The following DNER variants were observed in gnomAD, a reference collection of about 807,000 sequenced individuals.
The protein encoded by DNER is delta/notch like EGF repeat containing.
A neutral mutation model predicts 78.2 loss-of-function variants in DNER; 33 were observed. The ratio of observed to expected loss-of-function variants is 0.42; its 90% CI spans 0.32 to 0.56. The LOEUF (loss-of-function observed/expected upper bound fraction) is 0.56, where lower values mean the gene tolerates loss of function less well. Ranked by LOEUF, DNER falls within the 20% of genes least tolerant of loss-of-function variation. The pLI, the probability that DNER is intolerant of heterozygous loss-of-function variation, is 0.11. For missense variants in DNER, 918 were observed against 975.3 expected, an observed-to-expected ratio of 0.94 and a Z score of 0.78; for synonymous variants, 417 against 384.8, an observed-to-expected ratio of 1.08 and a Z score of -0.98.
rs545028037 is a variant in DNER at position 229,533,401 on chromosome 2, G to A, written c.993+13546C>T. ...AGTAAGAGAAACTGCTGATACCTCC[G>A]TAAGAGGCAAAGCCGCGGCTTTGAA... is the stretch of plus-strand genomic sequence containing the variant. On this transcript the variant is annotated intron_variant, in intron 5 of 12. Transcript: ENST00000341772. Among the ~76,000 whole-genome samples, 58 of 152,266 alleles carry A rather than the reference G, an allele frequency of 3.8e-4. 3 individuals are homozygous for A. In the Middle Eastern group the frequency reaches 0.014, roughly 36 times the overall value.
chr2:229,547,235 G>C (rs1696645396), intron 4 of DNER, 143 bp from the exon 5 acceptor site: 2 of 1,190,014 alleles, frequency 1.7e-6, no homozygotes, highest in African/African-American at 1.5e-5. Flanking sequence ...AATGCAGTGA[G>C]GCAAGGGAAT....
intron 1 of DNER, among the ~76,000 whole-genome samples, chr2:229,656,985 C>CGTGTGTGTGTGTGTGT (rs1417445603): frequency 0.023 from 3,461 of 148,762 alleles, 135 homozygotes; most frequent in African/African-American, 0.076. Context: ...ACAGTTACCA[C>CGTGTGTGTGTGTGTGT]GTGTGTGTGT....
At chr2:229,365,872 T>C (rs919488157) in intron 12 of DNER, among the ~76,000 whole-genome samples, 2 of 152,260 alleles carry the variant, frequency 1.3e-5, no homozygotes, top group African/African-American at 4.8e-5. Context: ...CTTTCTGAAT[T>C]GTGTGCTTGA....
chr2:229,481,114 G>A (rs929352649), intron 6 of DNER, among the ~76,000 whole-genome samples: 1 of 152,176 alleles, frequency 6.6e-6, no homozygotes, highest in African/African-American at 2.4e-5. Context: ...GTAGCCTGAT[G>A]CTCTACCCAC....
chr2:229,417,281 T>C, intron 9 of DNER, among the ~76,000 whole-genome samples: 1 of 152,112 alleles, frequency 6.6e-6, no homozygotes, highest in Non-Finnish European at 1.5e-5. Context: ...TCCAGCCAGG[T>C]GGATGGCATC....
At chr2:229,615,094 T>C (rs934270291) in intron 1 of DNER, among the ~76,000 whole-genome samples, 4 of 152,206 alleles carry the variant, frequency 2.6e-5, no homozygotes, top group Non-Finnish European at 5.9e-5. Flanking sequence ...GATGCATTTT[T>C]CAAGTCGTCC....
At chr2:229,507,947 A>G (rs1375080346) in intron 6 of DNER, among the ~76,000 whole-genome samples, 1 of 152,242 alleles carries the variant, frequency 6.6e-6, no homozygotes, top group East Asian at 1.9e-4. Context: ...ACAAGTTACA[A>G]ACTTGAAGAA....
intron 5 of DNER, among the ~76,000 whole-genome samples, chr2:229,545,310 C>T: frequency 6.6e-6 from 1 of 152,138 alleles, no homozygotes; most frequent in East Asian, 1.9e-4. Flanking sequence ...TGCAGTGGCT[C>T]ACACCTGTAA....
chr2:229,498,884 C>T (rs1231371825), intron 6 of DNER, among the ~76,000 whole-genome samples: 4 of 152,122 alleles, frequency 2.6e-5, no homozygotes, highest in East Asian at 3.9e-4. Context: ...ATTCCAATGA[C>T]ATTTTCCACA....
chr2:229,513,755 A>G (rs1695917727), intron 5 of DNER, among the ~76,000 whole-genome samples: 1 of 152,186 alleles, frequency 6.6e-6, no homozygotes. Flanking sequence ...GGAGAATGAC[A>G]TTAACAGATC....
chr2:229,609,042 G>A (rs1697997447), intron 1 of DNER, among the ~76,000 whole-genome samples: 1 of 152,080 alleles, frequency 6.6e-6, no homozygotes, highest in Non-Finnish European at 1.5e-5. Context: ...GGCCAACATG[G>A]TGAAACCCCA....
At chr2:229,615,442 G>A (rs565241041) in intron 1 of DNER, among the ~76,000 whole-genome samples, 2 of 151,640 alleles carry the variant, frequency 1.3e-5, no homozygotes, top group Non-Finnish European at 2.9e-5. Flanking sequence ...GGGCGCGGTG[G>A]TTCACGCCTG....
chr2:229,532,061 GT>G (rs1446973756), intron 5 of DNER, among the ~76,000 whole-genome samples: 1 of 152,184 alleles, frequency 6.6e-6, no homozygotes, highest in Non-Finnish European at 1.5e-5. Context: ...TGATGAGAAT[GT>G]TTTGGAACTA....
chr2:229,586,565 C>A, intron 3 of DNER: 2 of 263,692 alleles, frequency 7.6e-6, no homozygotes, highest in Non-Finnish European at 1.1e-5. Context: ...CAAAACCACC[C>A]CACAGAGAAT....
At chr2:229,503,936 G>A (rs757774118) in intron 6 of DNER, among the ~76,000 whole-genome samples, 23 of 152,220 alleles carry the variant, frequency 1.5e-4, no homozygotes, top group East Asian at 9.7e-4. Flanking sequence ...TAGAGATGGA[G>A]TTTTGCCATG....
intron 9 of DNER, among the ~76,000 whole-genome samples, chr2:229,411,710 G>A (rs528255529): frequency 1.3e-5 from 2 of 152,258 alleles, no homozygotes; most frequent in Admixed American, 1.3e-4. Context: ...CACATCACAT[G>A]TAACAACAAA....
At chr2:229,614,497 A>G (rs141356243) in intron 1 of DNER, among the ~76,000 whole-genome samples, 12 of 152,242 alleles carry the variant, frequency 7.9e-5, no homozygotes, top group Admixed American at 2.6e-4. Context: ...CCTGGCCTTA[A>G]CTCCATCCTC....
intron 6 of DNER, among the ~76,000 whole-genome samples, chr2:229,504,425 G>A (rs139173254): frequency 8.3e-4 from 126 of 152,034 alleles, no homozygotes; most frequent in African/African-American, 2.8e-3. Context: ...TCGCCATATT[G>A]GCCAGGCTAG....
chr2:229,530,717 A>C (rs75354136), intron 5 of DNER, among the ~76,000 whole-genome samples: 1,841 of 152,362 alleles, frequency 0.012, 40 homozygotes, highest in African/African-American at 0.042. Flanking sequence ...AACCACAGAA[A>C]TATCATTAAA....
Sources: allele counts gnomAD v4.1 joint callset (sites outside exome capture counted in the v4.1 genomes callset), GRCh38; gene constraint gnomAD v4.1.1; transcripts MANE v1.5; gene names NCBI Gene and HGNC (gene_info 2026-07-23, HGNC 2026-07-21).